Variants in DTD1 observed in about 807,000 individuals in gnomAD.
DTD1 encodes D-aminoacyl-tRNA deacylase 1.
Under a neutral mutation model 25.6 loss-of-function variants are expected in DTD1, and 13 were observed. That is an observed-to-expected ratio of 0.51 (90% CI 0.33 to 0.81). The LOEUF (loss-of-function observed/expected upper bound fraction) is 0.81, where lower values mean the gene tolerates loss of function less well. Ranked by LOEUF, DTD1 falls within the 30% of genes least tolerant of loss-of-function variation. The pLI is 0.02. For synonymous variants in DTD1, 110 were observed against 103.6 expected, an observed-to-expected ratio of 1.06 and a Z score of -0.37; for missense variants, 193 against 266.4, an observed-to-expected ratio of 0.72 and a Z score of 1.92.
rs545986514 is a variant in DTD1 at position 18,711,923 on chromosome 20, C to T, written c.478-32177C>T. Among the ~76,000 whole-genome samples, 40 of 74,142 alleles carry T rather than the reference C, an allele frequency of 5.4e-4. No individual in the cohort carries two copies. The East Asian group carries it at 0.01, about 19-fold the overall frequency. 48.6% of individuals were successfully genotyped at this position (74,142 alleles called of 152,430 possible). On this transcript the variant is annotated intron_variant, in intron 4 of 5. Coordinates refer to ENST00000377452, the MANE Select transcript of DTD1 (RefSeq NM_080820.6). ...GCCAGGAGGCCGGGGTGGGGGTTGCCGGGGGTCGGGGGGCACGTGCCTGTA... is the reference window on the plus strand; with the variant it reads ...GCCAGGAGGCCGGGGTGGGGGTTGCTGGGGGTCGGGGGGCACGTGCCTGTA...
At chr20:18,669,410 C>T (rs943915133) in intron 4 of DTD1, among the ~76,000 whole-genome samples, 7 of 152,170 alleles carry the variant, frequency 4.6e-5, no homozygotes, top group Non-Finnish European at 7.4e-5. Context: ...CAGGTATTTC[C>T]GCCTGAAAGT....
chr20:18,741,678 A>T (rs1353306810), intron 4 of DTD1, among the ~76,000 whole-genome samples: 1 of 152,052 alleles, frequency 6.6e-6, no homozygotes, highest in Non-Finnish European at 1.5e-5. Context: ...CTGAAGCTAA[A>T]TTTGTTTTGT....
chr20:18,618,495 C>A (rs964412716), intron 3 of DTD1, among the ~76,000 whole-genome samples: 6 of 151,248 alleles, frequency 4.0e-5, no homozygotes, highest in Non-Finnish European at 8.8e-5. Context: ...GCTGGGGCCA[C>A]AGGCATGTTC....
At chr20:18,706,087 G>A (rs1388406892) in intron 4 of DTD1, among the ~76,000 whole-genome samples, 3 of 152,324 alleles carry the variant, frequency 2.0e-5, no homozygotes, top group Middle Eastern at 3.4e-3. Flanking sequence ...GCAGTTGTGT[G>A]GTTTGTTGCC....
At chr20:18,641,289 C>T (rs1055323848) in intron 4 of DTD1, among the ~76,000 whole-genome samples, 4 of 152,238 alleles carry the variant, frequency 2.6e-5, no homozygotes, top group East Asian at 3.9e-4. Flanking sequence ...TTGTGAATAG[C>T]GCTGCTGTTA....
At chr20:18,735,919 T>G (rs956747396) in intron 4 of DTD1, among the ~76,000 whole-genome samples, 2 of 152,188 alleles carry the variant, frequency 1.3e-5, no homozygotes, top group Non-Finnish European at 2.9e-5. Flanking sequence ...GCAGATATCA[T>G]GAAAAGTATG....
intron 3 of DTD1, among the ~76,000 whole-genome samples, chr20:18,618,164 A>C (rs1488644251): frequency 1.3e-5 from 2 of 152,164 alleles, no homozygotes; most frequent in African/African-American, 4.8e-5. Flanking sequence ...CTGCAGTGTG[A>C]GACTACCATA....
At chr20:18,599,106 A>G (rs118110200) in intron 3 of DTD1, among the ~76,000 whole-genome samples, 2,531 of 152,274 alleles carry the variant, frequency 0.017, 37 homozygotes, top group Non-Finnish European at 0.025. Flanking sequence ...ACTGAAGGAT[A>G]TCTTGATTGT....
chr20:18,600,472 T>G (rs1191523219), intron 3 of DTD1, among the ~76,000 whole-genome samples: 1 of 152,200 alleles, frequency 6.6e-6, no homozygotes, highest in Non-Finnish European at 1.5e-5. Flanking sequence ...TCTCTCTTCT[T>G]TCATTGATAC....
chr20:18,629,388 C>T (rs2060774227), intron 4 of DTD1, among the ~76,000 whole-genome samples: 1 of 148,912 alleles, frequency 6.7e-6, no homozygotes, highest in Non-Finnish European at 1.5e-5. Context: ...CCAGCCTCGA[C>T]CTCCCAGGCT....
intron 3 of DTD1, among the ~76,000 whole-genome samples, chr20:18,597,554 G>A (rs550128168): frequency 6.6e-6 from 1 of 152,142 alleles, no homozygotes; most frequent in Non-Finnish European, 1.5e-5. Flanking sequence ...CCAGTCCTAG[G>A]CAGCCATTAA....
intron 3 of DTD1, among the ~76,000 whole-genome samples, chr20:18,612,114 A>C (rs1340510032): frequency 5.5e-5 from 8 of 144,424 alleles, no homozygotes; most frequent in African/African-American, 1.8e-4. Flanking sequence ...GGCTCACTGC[A>C]AGCTCCGCCT....
intron 5 of DTD1, 50 bp downstream of exon 5, chr20:18,744,321 C>A: frequency 6.3e-7 from 1 of 1,577,332 alleles, no homozygotes; most frequent in East Asian, 2.2e-5. Flanking sequence ...GGGGAAGCAG[C>A]AATGAATAGG....
intron 4 of DTD1, among the ~76,000 whole-genome samples, chr20:18,691,716 C>T (rs2061048253): frequency 6.6e-6 from 1 of 152,156 alleles, no homozygotes; most frequent in Non-Finnish European, 1.5e-5. Context: ...CAGCATCACA[C>T]AATATACCCA....
chr20:18,741,714 AT>A (rs1306521533), intron 4 of DTD1, among the ~76,000 whole-genome samples: 8 of 151,240 alleles, frequency 5.3e-5, no homozygotes, highest in Admixed American at 2.0e-4. Context: ...AGATTTATCT[AT>A]TTTTTTTAAT....
chr20:18,650,464 C>T (rs1004982109), intron 4 of DTD1, among the ~76,000 whole-genome samples: 14 of 152,180 alleles, frequency 9.2e-5, no homozygotes, highest in African/African-American at 3.4e-4. Flanking sequence ...TGCCCTCCTG[C>T]TCTGTACTCC....
At position 18,742,311 on chromosome 20, in the gene DTD1, A is replaced by T. The variant is rs186008535; in HGVS notation, c.478-1789A>T. Among the ~76,000 whole-genome samples, 479 of 152,210 alleles carry T rather than the reference A, an allele frequency of 3.1e-3. 1 individual carries two copies. The highest frequency in any genetic ancestry group is 4.5e-3 in the Non-Finnish European group (304 of 68,010). On this transcript the variant is annotated intron_variant, in intron 4 of 5. Coordinates refer to ENST00000377452, the MANE Select transcript of DTD1 (RefSeq NM_080820.6). The stretch of plus-strand genomic sequence containing the variant: ...AAAATCTAATTAGTATATTAACCAA[A>T]CTTAGCTGTATTCTACAGCTTTTCA...
chr20:18,657,032 T>A (rs1442253895), intron 4 of DTD1, among the ~76,000 whole-genome samples: 2 of 152,232 alleles, frequency 1.3e-5, no homozygotes, highest in Non-Finnish European at 2.9e-5. Context: ...TTTGTAACTA[T>A]AATATAATGA....
intron 4 of DTD1, among the ~76,000 whole-genome samples, chr20:18,732,991 A>T (rs1163986280): frequency 6.6e-6 from 1 of 152,184 alleles, no homozygotes; most frequent in Non-Finnish European, 1.5e-5. Flanking sequence ...TTTTCAAAGC[A>T]TTTAAAATGC....
Sources: gnomAD v4.1 joint callset for allele counts (sites outside exome capture counted in the v4.1 genomes callset) on GRCh38, gnomAD v4.1.1 for gene constraint, MANE v1.5 for transcripts, NCBI Gene and HGNC (gene_info 2026-07-23, HGNC 2026-07-21) for gene names.